Variants in CCDC73 observed in about 807,000 individuals in gnomAD.
CCDC73 encodes coiled-coil domain containing 73, also known as coiled-coil domain-containing protein 73.
Under a neutral mutation model 116.5 loss-of-function variants are expected in CCDC73, and 95 were observed. The ratio of observed to expected loss-of-function variants is 0.82; its 90% CI spans 0.69 to 0.97. CCDC73 has a LOEUF of 0.97. CCDC73 is among the 50% of genes least tolerant of loss of function. The probability of loss-of-function intolerance (pLI) is 0.00; values close to 1 mark genes in which losing one functional copy is unlikely to be tolerated. For synonymous variants in CCDC73, 398 were observed against 401.3 expected, an observed-to-expected ratio of 0.99 and a Z score of 0.10; for missense variants, 1,066 against 1,206.8, an observed-to-expected ratio of 0.88 and a Z score of 1.73.
chr11:32,743,857 A>G (rs541269030), intron 2 of CCDC73, among the ~76,000 whole-genome samples: 2 of 152,232 alleles, frequency 1.3e-5, no homozygotes, highest in South Asian at 2.1e-4. Flanking sequence ...CTGCAAACAG[A>G]GACAATTTGA....
intron 6 of CCDC73, among the ~76,000 whole-genome samples, chr11:32,697,981 A>T (rs1371430115): frequency 7.2e-6 from 1 of 139,754 alleles, no homozygotes; most frequent in Admixed American, 7.1e-5. Flanking sequence ...AGTAGGCCCC[A>T]GTGTCTGTTG....
intron 2 of CCDC73, among the ~76,000 whole-genome samples, chr11:32,736,039 C>G (rs1480160048): frequency 6.6e-5 from 10 of 152,094 alleles, no homozygotes; most frequent in Non-Finnish European, 1.2e-4. Context: ...AAATGTTAGA[C>G]CTAAAACCAT....
At chr11:32,693,681 A>G (rs1856282587) in intron 6 of CCDC73, among the ~76,000 whole-genome samples, 2 of 152,184 alleles carry the variant, frequency 1.3e-5, no homozygotes, top group South Asian at 4.1e-4. Flanking sequence ...ATACTGGCAA[A>G]CCAAATCCAG....
At chr11:32,669,195 C>T (rs537888834) in intron 9 of CCDC73, among the ~76,000 whole-genome samples, 1 of 152,226 alleles carries the variant, frequency 6.6e-6, no homozygotes, top group African/African-American at 2.4e-5. Context: ...ATATCTGCTA[C>T]AGAACCCTAA....
At chr11:32,636,153 G>T (rs1002345668) in intron 13 of CCDC73, among the ~76,000 whole-genome samples, 4 of 152,214 alleles carry the variant, frequency 2.6e-5, no homozygotes, top group Middle Eastern at 3.4e-3. Context: ...AGCTAAATCT[G>T]AGGACCGTGT....
intron 2 of CCDC73, among the ~76,000 whole-genome samples, chr11:32,754,549 T>G (rs998374296): frequency 6.6e-6 from 1 of 152,104 alleles, no homozygotes; most frequent in East Asian, 1.9e-4. Context: ...TCTAAAAATA[T>G]AGATAAATCC....
chr11:32,729,483 G>A (rs779724073), intron 2 of CCDC73, among the ~76,000 whole-genome samples: 4 of 152,078 alleles, frequency 2.6e-5, no homozygotes, highest in African/African-American at 4.8e-5. Flanking sequence ...ATGAACATAC[G>A]TGTGCATGTA....
intron 1 of CCDC73, among the ~76,000 whole-genome samples, chr11:32,774,136 T>C (rs1281856993): frequency 1.3e-5 from 2 of 152,164 alleles, no homozygotes; most frequent in Non-Finnish European, 2.9e-5. Context: ...CTAACTAGAA[T>C]TGCCATGGAT....
intron 9 of CCDC73, among the ~76,000 whole-genome samples, chr11:32,666,699 C>T (rs531285610): frequency 3.9e-4 from 59 of 152,200 alleles, no homozygotes; most frequent in Non-Finnish European, 6.9e-4. Context: ...CCATTGCTGG[C>T]GAGGAGCTGC....
rs531050895 is a variant in CCDC73, at chr11:32,660,879, G to C, written c.646-5907C>G. 5.3e-5 allele frequency among the ~76,000 whole-genome samples: 8 copies of C among 152,284 alleles called. No homozygotes were observed. In the South Asian group the frequency reaches 1.5e-3, roughly 28 times the overall value. On this transcript the variant is annotated intron_variant, in intron 9 of 17. Transcript: ENST00000335185. ...GGGGTAAAGAAGAAAAGCAACACCA[G>C]TATGCTTTGGGTCATGTACCTCCTT...
chr11:32,673,904 G>C (rs536092737), intron 9 of CCDC73, among the ~76,000 whole-genome samples: 1 of 152,280 alleles, frequency 6.6e-6, no homozygotes, highest in South Asian at 2.1e-4. Flanking sequence ...ACCCCAAAAG[G>C]GAGAGTATCA....
At chr11:32,752,414 G>A (rs1056474635) in intron 2 of CCDC73, among the ~76,000 whole-genome samples, 5 of 152,042 alleles carry the variant, frequency 3.3e-5, no homozygotes, top group African/African-American at 1.2e-4. Flanking sequence ...AATTATCCTA[G>A]ATAAAAATAT....
At chr11:32,709,971 G>T (rs1344352141) in intron 3 of CCDC73, among the ~76,000 whole-genome samples, 1 of 152,074 alleles carries the variant, frequency 6.6e-6, no homozygotes, top group South Asian at 2.1e-4. Flanking sequence ...TCTCCTCTAA[G>T]TTTTCTAGTT....
intron 2 of CCDC73, among the ~76,000 whole-genome samples, chr11:32,727,248 T>A (rs1431801248): frequency 6.6e-6 from 1 of 152,222 alleles, no homozygotes; most frequent in African/African-American, 2.4e-5. Context: ...ACATGAATTA[T>A]TTCTGGAGAT....
Position 32,614,789 on chromosome 11 carries a change from T to C in CCDC73, c.1529A>G (p.Lys510Arg), listed in dbSNP as rs1855459598. The change falls in exon 16 of 18, where the codon AAA becomes AGA. Residue 510 changes from lysine (K) to arginine (R), a missense_variant. Physicochemically the swap from Lys to Arg is conservative, Grantham distance 26 (BLOSUM62 2). Coordinates refer to ENST00000335185, the MANE Select transcript of CCDC73 (RefSeq NM_001008391.4). The stretch of plus-strand genomic sequence containing the variant: ...GTCTTTTATTTCTGTAGTAACTGAT[T>C]TTCTGTTGTCCGTAACATTCGAGGT... The part of the protein sequence containing the change: ...GQTSNVTDNR[K>R]SVTTEIKDKI... 1 of 1,613,368 alleles carries C rather than the reference T, an allele frequency of 6.2e-7. No individual in the cohort carries two copies. Among genetic ancestry groups the C allele is most frequent in the African/African-American group, 1.3e-5 (1 of 74,924 alleles).
intron 9 of CCDC73, among the ~76,000 whole-genome samples, chr11:32,659,205 G>C (rs1855900019): frequency 6.6e-6 from 1 of 152,148 alleles, no homozygotes. Flanking sequence ...TCCTTTGAAA[G>C]GAGAGTTGCA....
intron 14 of CCDC73, among the ~76,000 whole-genome samples, chr11:32,627,736 C>T (rs1386559330): frequency 2.0e-5 from 3 of 152,070 alleles, no homozygotes; most frequent in South Asian, 2.1e-4. Flanking sequence ...AACCAAACAC[C>T]GCATGTTCTC....
rs145302046 is a variant in CCDC73, at chr11:32,633,031, T to C, written c.1185+2665A>G. ...CAAATAAATAAACATGGGAGAGAAATGAATGAAATCAAAACCTGTTTTTTG... is the reference window on the plus strand; with the variant it reads ...CAAATAAATAAACATGGGAGAGAAACGAATGAAATCAAAACCTGTTTTTTG... On this transcript the variant is annotated intron_variant, in intron 14 of 17. Transcript: ENST00000335185. 9.2e-5 allele frequency among the ~76,000 whole-genome samples: 14 copies of C among 151,742 alleles called. No individual in the cohort carries two copies. In the East Asian group the frequency reaches 2.5e-3, roughly 27 times the overall value.
chr11:32,788,039 A>G (rs1850643228), intron 1 of CCDC73, among the ~76,000 whole-genome samples: 2 of 152,230 alleles, frequency 1.3e-5, no homozygotes, highest in Non-Finnish European at 2.9e-5. Flanking sequence ...TAGTAGCAAA[A>G]GTTGCCTTAT....
Sources: gnomAD v4.1 joint callset for allele counts (sites outside exome capture counted in the v4.1 genomes callset) on GRCh38, gnomAD v4.1.1 for gene constraint, MANE v1.5 for transcripts, NCBI Gene and HGNC (gene_info 2026-07-23, HGNC 2026-07-21) for gene names.